The following KCNMA1 variants were observed in gnomAD, a reference collection of about 807,000 sequenced individuals.
KCNMA1 encodes the protein Calcium-activated potassium channel subunit alpha-1.
Under a neutral mutation model 140.0 loss-of-function variants are expected in KCNMA1, and 29 were observed. The observed-to-expected ratio is 0.21, with a 90% CI of 0.15 to 0.28. The LOEUF is 0.28. Among genes scored for constraint, KCNMA1 ranks in the 10% least tolerant of loss-of-function variants. KCNMA1 has a pLI of 1.00. For missense variants in KCNMA1, 880 were observed against 1,602.2 expected, an observed-to-expected ratio of 0.55 and a Z score of 7.70; for synonymous variants, 612 against 611.9, an observed-to-expected ratio of 1.00 and a Z score of 0.00.
intron 14 of KCNMA1, among the ~76,000 whole-genome samples, chr10:77,045,593 A>G (rs1392750088): frequency 6.6e-6 from 1 of 152,208 alleles, no homozygotes; most frequent in African/African-American, 2.4e-5. Context: ...CCCCCATCAA[A>G]TGTACCTTCC....
At chr10:77,521,105 A>C (rs1025818127) in intron 1 of KCNMA1, among the ~76,000 whole-genome samples, 6 of 152,234 alleles carry the variant, frequency 3.9e-5, no homozygotes, top group Non-Finnish European at 8.8e-5. Context: ...GTGACAGATG[A>C]GAAAGAACCA....
At chr10:76,975,998 C>T (rs1175024740) in intron 19 of KCNMA1, among the ~76,000 whole-genome samples, 1 of 152,170 alleles carries the variant, frequency 6.6e-6, no homozygotes, top group Non-Finnish European at 1.5e-5. Context: ...ATACACCTCT[C>T]TAAAATCAAA....
intron 3 of KCNMA1, among the ~76,000 whole-genome samples, chr10:77,221,113 T>C (rs2049500592): frequency 6.6e-6 from 1 of 152,236 alleles, no homozygotes. Context: ...CTTAACAACC[T>C]TAATTATTCA....
At chr10:77,268,117 T>C (rs980071095) in intron 2 of KCNMA1, among the ~76,000 whole-genome samples, 2 of 152,154 alleles carry the variant, frequency 1.3e-5, no homozygotes, top group Non-Finnish European at 2.9e-5. Flanking sequence ...TAAGTTGCAC[T>C]TGGGTCCTTG....
chr10:76,963,649 CAA>C (rs1433152640), intron 20 of KCNMA1, among the ~76,000 whole-genome samples: 3 of 152,174 alleles, frequency 2.0e-5, no homozygotes, highest in Non-Finnish European at 2.9e-5. Flanking sequence ...GGCATTGTGT[CAA>C]CACTTGATTC....
At chr10:77,461,198 C>A (rs2097860190) in intron 1 of KCNMA1, among the ~76,000 whole-genome samples, 1 of 151,138 alleles carries the variant, frequency 6.6e-6, no homozygotes, top group Non-Finnish European at 1.5e-5. Flanking sequence ...CACAATATAT[C>A]CATGTAACAA....
chr10:76,967,610 A>G (rs1388470129), intron 20 of KCNMA1, among the ~76,000 whole-genome samples: 1 of 152,200 alleles, frequency 6.6e-6, no homozygotes, highest in African/African-American at 2.4e-5. Flanking sequence ...CACCTGGGAC[A>G]TAGAAAGACG....
At chr10:76,892,071 C>T (rs759856591) in intron 25 of KCNMA1, among the ~76,000 whole-genome samples, 1 of 152,122 alleles carries the variant, frequency 6.6e-6, no homozygotes, top group African/African-American at 2.4e-5. Flanking sequence ...ATTCTGGACA[C>T]GTGTAATAAA....
intron 14 of KCNMA1, among the ~76,000 whole-genome samples, chr10:77,042,186 G>T (rs775773850): frequency 6.6e-6 from 1 of 151,872 alleles, no homozygotes; most frequent in African/African-American, 2.4e-5. Context: ...AAAAAAAAAA[G>T]TCACTCAACC....
At position 77,068,698 on chromosome 10, in the gene KCNMA1, TTG is replaced by T. The variant is rs199660003; in HGVS notation, c.1749+4397_1749+4398del. Among the ~76,000 whole-genome samples the T allele has an allele frequency of 6.4e-3, 845 of 132,620 alleles. 5 individuals carry two copies. Among genetic ancestry groups the T allele is most frequent in the South Asian group, 0.011 (39 of 3,692 alleles). 87.0% of individuals were successfully genotyped at this position (132,620 alleles called of 152,430 possible). On this transcript the variant is annotated intron_variant, in intron 14 of 27. Transcript: ENST00000286628. ...TGGAGAGCATACTGTGTTCCAGGTT[TTG>T]TGTGTGTGTGTGTGTGTGTGTGTGT...
At chr10:77,326,516 C>A (rs1039411164) in intron 2 of KCNMA1, among the ~76,000 whole-genome samples, 15 of 151,320 alleles carry the variant, frequency 9.9e-5, no homozygotes, top group Non-Finnish European at 2.2e-4. Flanking sequence ...TGAGGACGAG[C>A]GTGGTGGTGG....
chr10:77,500,139 G>C (rs2043335540), intron 1 of KCNMA1, among the ~76,000 whole-genome samples: 1 of 151,074 alleles, frequency 6.6e-6, no homozygotes, highest in Non-Finnish European at 1.5e-5. Flanking sequence ...ATCTATTACA[G>C]ATAGACAAAA....
chr10:77,203,764 A>T (rs1168175866), intron 3 of KCNMA1, among the ~76,000 whole-genome samples: 1 of 152,170 alleles, frequency 6.6e-6, no homozygotes, highest in African/African-American at 2.4e-5. Context: ...CCATCTCCCA[A>T]CATGGTTTCA....
Position 77,146,249 on chromosome 10 carries a change from C to T in KCNMA1, c.809-25201G>A, listed in dbSNP as rs186870783. Among the ~76,000 whole-genome samples, 181 of 152,204 alleles carry T rather than the reference C, an allele frequency of 1.2e-3. 2 individuals carry two copies. The highest frequency in any genetic ancestry group is 8.3e-3 in the East Asian group (43 of 5,180). ...TTCTTCTCTTCCTTGTTTATTGATG[C>T]CTAAAATTCCCCCATAAGACAGCAG... is the stretch of plus-strand genomic sequence containing the variant. On this transcript the variant is annotated intron_variant, in intron 5 of 27. Coordinates refer to ENST00000286628, the MANE Select transcript of KCNMA1 (RefSeq NM_001161352.2).
At chr10:77,248,623 G>T in intron 3 of KCNMA1, among the ~76,000 whole-genome samples, 1 of 152,100 alleles carries the variant, frequency 6.6e-6, no homozygotes, top group East Asian at 1.9e-4. Context: ...GTGTAAAACT[G>T]GTAACAGTTT....
chr10:76,932,769 T>G (rs537306723), intron 23 of KCNMA1, among the ~76,000 whole-genome samples: 1 of 152,328 alleles, frequency 6.6e-6, no homozygotes, highest in South Asian at 2.1e-4. Context: ...TATCATGAAC[T>G]AGAGCAACAA....
At position 77,001,611 on chromosome 10, in the gene KCNMA1, G is replaced by A. The variant is rs2086492504; in HGVS notation, c.2093-31C>T. On this transcript the variant is annotated intron_variant, in intron 18 of 27. Coordinates refer to ENST00000286628, the MANE Select transcript of KCNMA1 (RefSeq NM_001161352.2). Reference sequence around the variant, plus strand: ...ACCGTGTGGTTGGATGGGAGGAGAGGAAGAGCGGCAATTAATGGCAAGGTC... The same window carrying A: ...ACCGTGTGGTTGGATGGGAGGAGAGAAAGAGCGGCAATTAATGGCAAGGTC... 4 of 1,535,412 alleles carry A rather than the reference G, an allele frequency of 2.6e-6. No homozygotes were observed. In the East Asian group the frequency reaches 9.8e-5, roughly 38 times the overall value.
chr10:77,417,062 C>T (rs867979140), intron 1 of KCNMA1, among the ~76,000 whole-genome samples: 14 of 152,160 alleles, frequency 9.2e-5, no homozygotes, highest in Admixed American at 4.6e-4. Flanking sequence ...GCCACACCTC[C>T]GTGCTGGCTG....
At chr10:77,507,982 G>A (rs2046750602) in intron 1 of KCNMA1, among the ~76,000 whole-genome samples, 1 of 152,288 alleles carries the variant, frequency 6.6e-6, no homozygotes, top group South Asian at 2.1e-4. Flanking sequence ...ACCAACAATA[G>A]GGAGATGGTT....
Sources: allele counts gnomAD v4.1 joint callset (sites outside exome capture counted in the v4.1 genomes callset), GRCh38; gene constraint gnomAD v4.1.1; transcripts MANE v1.5; gene names NCBI Gene and HGNC (gene_info 2026-07-23, HGNC 2026-07-21).